NLRP14: variants seen among roughly 807,000 people sequenced by gnomAD.
NLRP14 encodes NACHT, LRR and PYD domains-containing protein 14.
NLRP14 carries 105 observed loss-of-function variants against 94.7 expected under a neutral mutation model. The observed-to-expected ratio is 1.11, with a 90% CI of 0.95 to 1.30. The LOEUF is 1.30. NLRP14 is among the 50% of genes most tolerant of loss of function. NLRP14 has a pLI of 0.00. For missense variants in NLRP14, 1,362 were observed against 1,254.1 expected, an observed-to-expected ratio of 1.09 and a Z score of -1.30; for synonymous variants, 508 against 459.9, an observed-to-expected ratio of 1.10 and a Z score of -1.34.
the NLRP14 span, chr11:7,089,584 G>T: frequency 8.5e-7 from 1 of 1,182,054 alleles, no homozygotes; most frequent in Non-Finnish European, 1.0e-6. Flanking sequence ...CCGCCGCCGC[G>T]CAGGGTCGGC....
In NLRP14 at chr11:7,039,805, A is replaced by G. The variant is rs373713380; in HGVS notation, c.361+20A>G. On this transcript the variant is annotated intron_variant, in intron 3 of 11. Transcript: ENST00000299481. ...TGCTGGGTGAGTAGTTAGGCCTTTC[A>G]TCAGATTTGGGAGGCATTCAAAGTT... is the stretch of plus-strand genomic sequence containing the variant. 9 of 1,593,964 alleles carry G rather than the reference A, an allele frequency of 5.6e-6. No homozygotes were observed. In the African/African-American group the frequency reaches 1.2e-4, roughly 21 times the overall value.
intron 4 of NLRP14, among the ~76,000 whole-genome samples, chr11:7,045,012 C>T (rs1852327831): frequency 6.6e-6 from 1 of 152,166 alleles, no homozygotes; most frequent in Admixed American, 6.5e-5. Flanking sequence ...AATTGTGATA[C>T]CAAGAAGGCA....
the NLRP14 span, chr11:7,089,131 C>T: frequency 2.5e-6 from 4 of 1,613,752 alleles, no homozygotes; most frequent in Non-Finnish European, 3.4e-6. Flanking sequence ...ATGGTTGAAG[C>T]GGATCGCCCG....
At chr11:7,044,075 A>G (rs1852314857) in intron 4 of NLRP14, 91 bp downstream of exon 4, 2 of 1,242,330 alleles carry the variant, frequency 1.6e-6, no homozygotes, top group South Asian at 2.4e-5. Context: ...CTGAGGTCCC[A>G]GAGCTGAGAT....
chr11:7,047,762 TC>T (rs1418846988), intron 5 of NLRP14, among the ~76,000 whole-genome samples: 100 of 89,264 alleles, frequency 1.1e-3, no homozygotes, highest in Admixed American at 1.6e-3. Flanking sequence ...CTCTTTCTTT[TC>T]TTTTCTTTTT....
the NLRP14 span, chr11:7,090,271 A>T: frequency 1.2e-6 from 2 of 1,605,196 alleles, no homozygotes; most frequent in Non-Finnish European, 1.7e-6. Flanking sequence ...GGCCGCTTGG[A>T]GAGAGGAGGA....
At chr11:7,081,128 T>C in the NLRP14 span, among the ~76,000 whole-genome samples, 4 of 152,130 alleles carry the variant, frequency 2.6e-5, no homozygotes, top group Admixed American at 6.5e-5. Context: ...TGGTTGGAGA[T>C]GTTATTTGTG....
rs931321709 is a variant in NLRP14, at chr11:7,059,810, C to T, written c.2634-84C>T. 4 of 1,201,264 alleles carry T rather than the reference C, an allele frequency of 3.3e-6. No homozygotes were observed. In the Admixed American group the frequency reaches 5.8e-5, roughly 18 times the overall value. 74.4% of individuals were successfully genotyped at this position (1,201,264 alleles called of 1,614,324 possible). A position where few individuals can be genotyped will look rare whatever the true frequency, so the allele number is the denominator to read the frequency against. The stretch of plus-strand genomic sequence containing the variant: ...GAATGTTGGCAAATAGATAAGGGAT[C>T]AAATCATGAAATCTCTTCAGAGAAA... On this transcript the variant is annotated intron_variant, in intron 8 of 11. Coordinates refer to ENST00000299481, the MANE Select transcript of NLRP14 (RefSeq NM_176822.4).
At chr11:7,078,526 A>G in the NLRP14 span, among the ~76,000 whole-genome samples, 1 of 148,686 alleles carries the variant, frequency 6.7e-6, no homozygotes, top group East Asian at 2.0e-4. Flanking sequence ...ATGGTGGCTC[A>G]CACCTGTAAT....
the NLRP14 span, among the ~76,000 whole-genome samples, chr11:7,087,280 C>G: frequency 1.3e-5 from 2 of 152,204 alleles, no homozygotes; most frequent in East Asian, 1.9e-4. Flanking sequence ...CATGTATTGA[C>G]TTATGATTTT....
chr11:7,073,449 C>A (rs566630746), downstream of NLRP14, among the ~76,000 whole-genome samples: 1 of 152,220 alleles, frequency 6.6e-6, no homozygotes, highest in Non-Finnish European at 1.5e-5. Flanking sequence ...AATTTTCCAA[C>A]ACCAGCTGGG....
At position 7,036,580 on chromosome 11, in the gene NLRP14, G is replaced by C. The variant is rs149903405; in HGVS notation, c.-21-1986G>C. 2.2e-3 allele frequency among the ~76,000 whole-genome samples: 341 copies of C among 152,250 alleles called. 2 individuals are homozygous for C. Among genetic ancestry groups the C allele is most frequent in the Non-Finnish European group, 3.3e-3 (222 of 68,008 alleles). ...CACCTTGTTAAAGTTAGGTGCATGC[G>C]TTAGCTTTTTTAATCCTTGCAGAGG... On this transcript the variant is annotated intron_variant, in intron 1 of 11. Transcript: ENST00000299481.
intron 1 of NLRP14, among the ~76,000 whole-genome samples, chr11:7,029,923 G>C (rs1228283816): frequency 2.0e-5 from 3 of 152,162 alleles, no homozygotes; most frequent in Non-Finnish European, 4.4e-5. Context: ...TGAGTCCTTA[G>C]TATCAGTTGC....
At chr11:7,044,241 C>A (rs1322033470) in intron 4 of NLRP14, among the ~76,000 whole-genome samples, 1 of 152,156 alleles carries the variant, frequency 6.6e-6, no homozygotes. Context: ...GGGCTGAGGA[C>A]TCTCAATTGT....
intron 10 of NLRP14, among the ~76,000 whole-genome samples, chr11:7,065,184 T>C (rs1852687251): frequency 6.6e-6 from 1 of 152,128 alleles, no homozygotes; most frequent in Non-Finnish European, 1.5e-5. Flanking sequence ...AATCTATCAG[T>C]GAGTCTCCTG....
chr11:7,043,537 C>A lies in NLRP14; in HGVS notation c.1511C>A (p.Ser504Tyr). 4 of 1,614,184 alleles carry A rather than the reference C, an allele frequency of 2.5e-6. No individual in the cohort carries two copies. The highest frequency in any genetic ancestry group is 3.4e-6 in the Non-Finnish European group (4 of 1,180,014). The change falls in exon 4 of 12, where the codon TCC becomes TAC. Residue 504 changes from serine (S) to tyrosine (Y), a missense_variant. Ser to Tyr is a moderately radical substitution (Grantham distance 144). Coordinates refer to ENST00000299481, the MANE Select transcript of NLRP14 (RefSeq NM_176822.4). ...GGCAGTTGGGAAGCTGGGAACCCTT[C>A]CTGCCAGCCTTTTGAAGATTTGAAG... The part of the protein sequence containing the change: ...LKGSWEAGNP[S>Y]CQPFEDLKSL...
At chr11:7,083,608 C>G in the NLRP14 span, among the ~76,000 whole-genome samples, 1 of 152,156 alleles carries the variant, frequency 6.6e-6, no homozygotes, top group Non-Finnish European at 1.5e-5. Flanking sequence ...GTGTCTGTCT[C>G]TTATTTTTGG....
chr11:7,021,682 G>A (rs778203154), intron 1 of NLRP14, among the ~76,000 whole-genome samples: 5 of 151,746 alleles, frequency 3.3e-5, no homozygotes, highest in Non-Finnish European at 5.9e-5. Context: ...TGTGCACAAC[G>A]TCCAGGTCAG....
intron 1 of NLRP14, among the ~76,000 whole-genome samples, chr11:7,031,638 C>T (rs1238370864): frequency 6.6e-6 from 1 of 152,194 alleles, no homozygotes; most frequent in Admixed American, 6.5e-5. Flanking sequence ...CCAGCCTTGA[C>T]GAATGGAGGC....
Sources: allele counts gnomAD v4.1 joint callset (sites outside exome capture counted in the v4.1 genomes callset), GRCh38; gene constraint gnomAD v4.1.1; transcripts MANE v1.5; gene names NCBI Gene and HGNC (gene_info 2026-07-23, HGNC 2026-07-21).